Variants in TMEM229B observed in about 807,000 individuals in gnomAD.
TMEM229B encodes the protein chromosome 14 open reading frame 83.
In TMEM229B, 6 loss-of-function variants were observed where a neutral mutation model predicts 13.7. The observed-to-expected ratio is 0.44, with a 90% CI of 0.24 to 0.86. The LOEUF (loss-of-function observed/expected upper bound fraction) is 0.86. Ranked by LOEUF, TMEM229B falls within the 40% of genes least tolerant of loss-of-function variation. TMEM229B has a pLI of 0.23. For synonymous variants in TMEM229B, 107 were observed against 102.1 expected (o/e 1.05, Z -0.29); for missense variants, 170 against 236.0 (o/e 0.72, Z 1.83).
At chr14:67,522,828 T>C (rs1422588363) in intron 1 of TMEM229B, among the ~76,000 whole-genome samples, 1 of 152,196 alleles carries the variant, frequency 6.6e-6, no homozygotes, top group East Asian at 1.9e-4. Context: ...CTATTCTTTT[T>C]ACCCTCCTTG....
At position 67,473,172 on chromosome 14, in the gene TMEM229B, C is replaced by A; in HGVS notation, c.*248G>T. 1.9e-6 allele frequency: 1 copy of A among 535,314 alleles called. No individual in the cohort carries two copies. The highest frequency in any genetic ancestry group is 3.3e-6 in the Non-Finnish European group (1 of 299,666). 33.2% of individuals were successfully genotyped at this position (535,314 alleles called of 1,614,324 possible). A position where few individuals can be genotyped will look rare whatever the true frequency, so the allele number is the denominator to read the frequency against. ...GCCACAGGCCTCCTGGTACCAACCCCTGAACTGGGCCGCGATCCATGGACC... is the reference window on the plus strand; with the variant it reads ...GCCACAGGCCTCCTGGTACCAACCCATGAACTGGGCCGCGATCCATGGACC... On this transcript the variant is annotated 3_prime_UTR_variant, in exon 3 of 3. Coordinates refer to ENST00000554480, the MANE Select transcript of TMEM229B (RefSeq NM_001348543.2). This position sits in a 1 kb window ranked among gnomAD's most constrained non-coding sequence, Gnocchi z 6.5.
At chr14:67,486,550 G>C (rs1594690263) in intron 2 of TMEM229B, among the ~76,000 whole-genome samples, 1 of 152,206 alleles carries the variant, frequency 6.6e-6, no homozygotes, top group East Asian at 1.9e-4. Flanking sequence ...TGGGATTACA[G>C]GCGTGAGCCA....
upstream of TMEM229B, among the ~76,000 whole-genome samples, chr14:67,517,330 G>T (rs912710257): frequency 2.0e-5 from 3 of 152,204 alleles, no homozygotes; most frequent in East Asian, 1.9e-4. Flanking sequence ...AGCACAATGG[G>T]CTGGAAAGGC....
intron 1 of TMEM229B, among the ~76,000 whole-genome samples, chr14:67,487,796 T>A (rs4902473): frequency 0.069 from 10,197 of 148,744 alleles, 518 homozygotes; most frequent in East Asian, 0.24. Context: ...CCATGTACTT[T>A]AAAAAAAAAA....
intron 1 of TMEM229B, among the ~76,000 whole-genome samples, chr14:67,513,435 A>AGTTTT (rs2033093712): frequency 1.3e-5 from 2 of 152,030 alleles, no homozygotes; most frequent in African/African-American, 4.8e-5. Flanking sequence ...TTCTCCTGCT[A>AGTTTT]CTCCTTATTG....
chr14:67,493,113 A>G (rs919276973), upstream of TMEM229B, among the ~76,000 whole-genome samples: 1 of 152,168 alleles, frequency 6.6e-6, no homozygotes, highest in African/African-American at 2.4e-5. Context: ...TAGTGAAGAG[A>G]CCCTGAAGTA....
At chr14:67,518,019 A>T (rs2033234220), upstream of TMEM229B, among the ~76,000 whole-genome samples, 1 of 152,178 alleles carries the variant, frequency 6.6e-6, no homozygotes, top group Non-Finnish European at 1.5e-5. Flanking sequence ...CACCCAAAGA[A>T]TGCTGAAACT....
chr14:67,523,052 C>T (rs533979910), intron 1 of TMEM229B, among the ~76,000 whole-genome samples: 4 of 152,140 alleles, frequency 2.6e-5, no homozygotes, highest in East Asian at 1.9e-4. Flanking sequence ...AGGCTGGGCG[C>T]GGTGGCTCAT....
At chr14:67,479,371 A>C (rs1217794969) in intron 2 of TMEM229B, among the ~76,000 whole-genome samples, 2 of 149,562 alleles carry the variant, frequency 1.3e-5, no homozygotes, top group Non-Finnish European at 3.0e-5. Flanking sequence ...AGATCGTACC[A>C]CTGCACTCCA....
chr14:67,525,294 T>C (rs2033349595), intron 1 of TMEM229B, among the ~76,000 whole-genome samples: 1 of 152,238 alleles, frequency 6.6e-6, no homozygotes, highest in Non-Finnish European at 1.5e-5. Context: ...CATGCTTTTC[T>C]AGACATTGCT....
At chr14:67,520,012 C>T (rs2033268011), upstream of TMEM229B, among the ~76,000 whole-genome samples, 1 of 152,306 alleles carries the variant, frequency 6.6e-6, no homozygotes, top group South Asian at 2.1e-4. Context: ...CGTGAGCCAC[C>T]ATGCCTGACC....
chr14:67,503,725 A>G (rs2032701732), intron 1 of TMEM229B, among the ~76,000 whole-genome samples: 1 of 151,716 alleles, frequency 6.6e-6, no homozygotes, highest in Admixed American at 6.6e-5. Context: ...TATTTTTGAG[A>G]CAGAGTCTAG....
chr14:67,507,029 G>A (rs141053590), intron 1 of TMEM229B, among the ~76,000 whole-genome samples: 1 of 151,994 alleles, frequency 6.6e-6, no homozygotes, highest in African/African-American at 2.4e-5. Context: ...TGTTCAAAGG[G>A]AACTGAAGAT....
intron 2 of TMEM229B, among the ~76,000 whole-genome samples, chr14:67,474,503 C>T (rs1407437205): frequency 1.3e-5 from 2 of 152,190 alleles, no homozygotes; most frequent in East Asian, 3.8e-4. Context: ...CACTTCTTCT[C>T]AAACAGTTCC....
intron 2 of TMEM229B, among the ~76,000 whole-genome samples, chr14:67,484,273 C>A (rs546810678): frequency 1.3e-5 from 2 of 152,292 alleles, no homozygotes; most frequent in Admixed American, 1.3e-4. Flanking sequence ...TAGAGTGGTG[C>A]CTGGCAATAA....
chr14:67,496,709 TC>T (rs757589930), intron 1 of TMEM229B, among the ~76,000 whole-genome samples: 47 of 149,818 alleles, frequency 3.1e-4, no homozygotes, highest in Non-Finnish European at 5.3e-4. Flanking sequence ...TCTTTTCCCT[TC>T]CCCTTTTCTT....
intron 2 of TMEM229B, among the ~76,000 whole-genome samples, chr14:67,474,301 C>G (rs1005318591): frequency 1.3e-5 from 2 of 151,848 alleles, no homozygotes; most frequent in African/African-American, 4.8e-5. Context: ...AATAACCCAC[C>G]CACCCCACTG....
intron 1 of TMEM229B, among the ~76,000 whole-genome samples, chr14:67,510,063 T>C (rs1001364662): frequency 3.3e-5 from 5 of 152,094 alleles, no homozygotes; most frequent in Admixed American, 2.6e-4. Context: ...TCAATTCAAA[T>C]CCCAGTTTAG....
At chr14:67,496,581 G>A (rs981871155) in intron 1 of TMEM229B, among the ~76,000 whole-genome samples, 1 of 151,830 alleles carries the variant, frequency 6.6e-6, no homozygotes, top group African/African-American at 2.4e-5. Flanking sequence ...AGAAGTAGAC[G>A]TGAGAGAGGT....
Sources: allele counts gnomAD v4.1 joint callset (sites outside exome capture counted in the v4.1 genomes callset), GRCh38; gene constraint gnomAD v4.1.1; non-coding constraint Gnocchi (gnomAD v3.1); transcripts MANE v1.5; gene names NCBI Gene and HGNC (gene_info 2026-07-23, HGNC 2026-07-21).